CATSPER1: variants seen among roughly 807,000 people sequenced by gnomAD.
CATSPER1 encodes cation channel sperm associated 1.
Under a neutral mutation model 72.7 loss-of-function variants are expected in CATSPER1, and 57 were observed. That is an observed-to-expected ratio of 0.78 (90% CI 0.63 to 0.98). CATSPER1 has a LOEUF of 0.98. CATSPER1 is among the 50% of genes least tolerant of loss of function. The pLI is 0.00. For missense variants in CATSPER1, 910 were observed against 1,033.9 expected (o/e 0.88, Z 1.64); for synonymous variants, 363 against 403.0 (o/e 0.90, Z 1.19).
chr11:66,017,345 A>G (rs540544244), intron 10 of CATSPER1, among the ~76,000 whole-genome samples, 171 bp from the exon 11 acceptor site: 1 of 152,264 alleles, frequency 6.6e-6, no homozygotes, highest in Admixed American at 6.5e-5. Flanking sequence ...TATGAGAAAG[A>G]GCCCAAGTCT....
intron 1 of CATSPER1, among the ~76,000 whole-genome samples, chr11:66,024,271 GTT>G (rs796751086): frequency 0.01 from 1,122 of 110,402 alleles, 13 homozygotes; most frequent in African/African-American, 0.037. Flanking sequence ...CAGCCTATTT[GTT>G]TTTTTTTTTT....
At chr11:66,022,332 CTAAAA>C (rs1395444521) in intron 2 of CATSPER1, among the ~76,000 whole-genome samples, 1 of 152,112 alleles carries the variant, frequency 6.6e-6, no homozygotes, top group Non-Finnish European at 1.5e-5. Flanking sequence ...CAGACTCCGT[CTAAAA>C]TAAAATAAAA....
In CATSPER1 at chr11:66,020,756, G is replaced by T; in HGVS notation, c.1927+55C>A. The T allele has an allele frequency of 6.2e-7, 1 of 1,611,734 alleles. No individual in the cohort carries two copies. Among genetic ancestry groups the T allele is most frequent in the Non-Finnish European group, 8.5e-7 (1 of 1,179,014 alleles). On this transcript the variant is annotated intron_variant, in intron 6 of 11. Transcript: ENST00000312106. The surrounding 1 kb of genome is among the most constrained non-coding windows in gnomAD (Gnocchi z 4.5). ...TTTGCCGATGGGGTCACTGAGCCCTGGCCGGTCCACCCCGCCAATCCCCGG... is the reference window on the plus strand; with the variant it reads ...TTTGCCGATGGGGTCACTGAGCCCTTGCCGGTCCACCCCGCCAATCCCCGG...
rs771402680 is a variant in CATSPER1 at position 66,026,126 on chromosome 11, C to T, written c.254G>A (p.Arg85Gln). ...GGGGCCATGGGCTCTGCCGTGATTC[C>T]GTGCCTCGCTGTGGTGGTGAGATTG... The part of the protein sequence containing the change: ...VHQSHHHSEA[R>Q]NHGRAHGPTG... Residue 85 changes from arginine (R) to glutamine (Q), a missense_variant, in exon 1 of 12, where the codon CGG becomes CAG. Coordinates refer to ENST00000312106, the MANE Select transcript of CATSPER1 (RefSeq NM_053054.4). 1.7e-5 allele frequency: 28 copies of T among 1,606,542 alleles called. No individual in the cohort carries two copies. Among genetic ancestry groups the T allele is most frequent in the East Asian group, 9.0e-5 (4 of 44,624 alleles).
chr11:66,023,846 C>T (rs1056529979), intron 1 of CATSPER1, among the ~76,000 whole-genome samples: 1 of 151,822 alleles, frequency 6.6e-6, no homozygotes, highest in Non-Finnish European at 1.5e-5. Context: ...TAAACTTATC[C>T]TCTCCCTTTC....
At position 66,025,833 on chromosome 11, in the gene CATSPER1, C is replaced by T. The variant is rs989368480; in HGVS notation, c.547G>A (p.Gly183Arg). The change falls in exon 1 of 12, where the codon GGA (glycine) becomes AGA (arginine). Residue 183 changes from glycine to arginine, a missense_variant. Gly to Arg is a moderately radical substitution (Grantham distance 125, BLOSUM62 -2). Coordinates refer to ENST00000312106, the MANE Select transcript of CATSPER1 (RefSeq NM_053054.4). Reference protein sequence around the residue: ...SHHGGSYLPHGPNPYSESFHH... With the variant: ...SHHGGSYLPHRPNPYSESFHH... ...AAGGACTCACTGTAGGGATTGGGTC[C>T]ATGGGGGAGGTAGGACCCACCATGG... The T allele has an allele frequency of 1.2e-6, 2 of 1,611,996 alleles. No individual in the cohort carries two copies. Among genetic ancestry groups the T allele is most frequent in the African/African-American group, 1.3e-5 (1 of 74,200 alleles).
intron 1 of CATSPER1, among the ~76,000 whole-genome samples, chr11:66,024,740 A>T (rs572297006): frequency 6.6e-6 from 1 of 152,276 alleles, no homozygotes; most frequent in East Asian, 1.9e-4. Context: ...CTGGACAGAT[A>T]GAATCCACCA....
chr11:66,017,783 G>A (rs1237184036), intron 10 of CATSPER1, among the ~76,000 whole-genome samples: 1 of 152,234 alleles, frequency 6.6e-6, no homozygotes, highest in Non-Finnish European at 1.5e-5. Flanking sequence ...CTCAGAGCCA[G>A]ACAGCTGCTG....
rs201420941 is a variant in CATSPER1 at position 66,020,994 on chromosome 11, C to G, written c.1784-40G>C. 6.2e-7 allele frequency: 1 copy of G among 1,613,168 alleles called. No homozygotes were observed. Among genetic ancestry groups the G allele is most frequent in the Non-Finnish European group, 8.5e-7 (1 of 1,179,932 alleles). ...CCAAACTCAGCTCTCCAGTGCTATC[C>G]CCACCCCAGCGCCCCTCGTCCTGCC... On this transcript the variant is annotated intron_variant, in intron 5 of 11. Transcript: ENST00000312106. The surrounding 1 kb of genome is among the most constrained non-coding windows in gnomAD (Gnocchi z 4.5).
At chr11:66,023,920 G>A (rs1348780991) in intron 1 of CATSPER1, among the ~76,000 whole-genome samples, 1 of 151,200 alleles carries the variant, frequency 6.6e-6, no homozygotes, top group Non-Finnish European at 1.5e-5. Context: ...TAACACACTT[G>A]CCCCTCTCTG....
At position 66,021,604 on chromosome 11, in the gene CATSPER1, A is replaced by G; in HGVS notation, c.1583T>C (p.Leu528Pro). 2 of 1,611,234 alleles carry G rather than the reference A, an allele frequency of 1.2e-6. No homozygotes were observed. Among genetic ancestry groups the G allele is most frequent in the African/African-American group, 2.7e-5 (2 of 75,004 alleles). ...IMAMAVLDFLLMQTHSFAIYH... is the reference protein window; with the variant it reads ...IMAMAVLDFLPMQTHSFAIYH... ...GATGGCGAAGGAGTGGGTCTGCATCAGCAAGAAGTCCAGCACGGCCATGGC... is the reference window on the plus strand; with the variant it reads ...GATGGCGAAGGAGTGGGTCTGCATCGGCAAGAAGTCCAGCACGGCCATGGC... The change falls in exon 4 of 12, where the codon CTG (leucine) becomes CCG (proline). Residue 528 changes from leucine (L) to proline (P), a missense_variant. Physicochemically the swap from Leu to Pro is moderately conservative, Grantham distance 98. Coordinates refer to ENST00000312106, the MANE Select transcript of CATSPER1 (RefSeq NM_053054.4).
intron 10 of CATSPER1, among the ~76,000 whole-genome samples, chr11:66,018,161 T>C (rs1477614637): frequency 6.6e-6 from 1 of 151,016 alleles, no homozygotes; most frequent in South Asian, 2.1e-4. Flanking sequence ...TGAGCCTAGA[T>C]TGTGCCACTG....
At chr11:66,025,072 C>T (rs534446417) in intron 1 of CATSPER1, 92 bp downstream of exon 1, 83 of 1,532,502 alleles carry the variant, frequency 5.4e-5, no homozygotes, top group Middle Eastern at 3.8e-4. Context: ...TCGGGCCTTA[C>T]GATCTGCGGA....
intron 2 of CATSPER1, among the ~76,000 whole-genome samples, chr11:66,022,096 T>C (rs1226556472): frequency 6.6e-6 from 1 of 152,098 alleles, no homozygotes; most frequent in Non-Finnish European, 1.5e-5. Flanking sequence ...TCCCAGCACA[T>C]TGGGAGGTTG....
rs1217895345 is a variant in CATSPER1 at position 66,020,679 on chromosome 11, C to A, written c.1928-52G>T. The A allele has an allele frequency of 3.1e-6, 5 of 1,597,208 alleles. No homozygotes were observed. In the South Asian group the frequency reaches 4.4e-5, roughly 14 times the overall value. On this transcript the variant is annotated intron_variant, in intron 6 of 11. Coordinates refer to ENST00000312106, the MANE Select transcript of CATSPER1 (RefSeq NM_053054.4). This position sits in a 1 kb window ranked among gnomAD's most constrained non-coding sequence, Gnocchi z 4.5. ...GTCAGGCTGTGCTCGCCACCCCCAA[C>A]CACGACCTGCTCCCTTCCCATACCC...
chr11:66,022,720 A>T, intron 2 of CATSPER1, 129 bp downstream of exon 2: 1 of 863,962 alleles, frequency 1.2e-6, no homozygotes, highest in Non-Finnish European at 1.9e-6. Context: ...GGGTAAGGCC[A>T]TCTACTTCCC....
rs976108414 is a variant in CATSPER1 at position 66,020,739 on chromosome 11, T to C, written c.1927+72A>G. On this transcript the variant is annotated intron_variant, in intron 6 of 11. Transcript: ENST00000312106. This position sits in a 1 kb window ranked among gnomAD's most constrained non-coding sequence, Gnocchi z 4.5. ...GGCATCAGAAGCCCCACTTTGCCGATGGGGTCACTGAGCCCTGGCCGGTCC... is the reference window on the plus strand; with the variant it reads ...GGCATCAGAAGCCCCACTTTGCCGACGGGGTCACTGAGCCCTGGCCGGTCC... 1.9e-6 allele frequency: 3 copies of C among 1,608,328 alleles called. No individual in the cohort carries two copies. The highest frequency in any genetic ancestry group is 2.7e-5 in the African/African-American group (2 of 74,890).
At chr11:66,021,432 G>A in intron 4 of CATSPER1, 64 bp downstream of exon 4, 1 of 1,582,150 alleles carries the variant, frequency 6.3e-7, no homozygotes. Flanking sequence ...TTTCTTTGGG[G>A]CCCTGGTCTG....
chr11:66,025,045 G>T, intron 1 of CATSPER1, 119 bp downstream of exon 1: 1 of 1,200,718 alleles, frequency 8.3e-7, no homozygotes, highest in Non-Finnish European at 1.2e-6. Context: ...AGCCAGTGGG[G>T]GACCTGTGCA....
Sources: gnomAD v4.1 joint callset for allele counts (sites outside exome capture counted in the v4.1 genomes callset) on GRCh38, gnomAD v4.1.1 for gene constraint, Gnocchi (gnomAD v3.1) non-coding constraint, MANE v1.5 for transcripts, NCBI Gene and HGNC (gene_info 2026-07-23, HGNC 2026-07-21) for gene names.